Variants in SLCO1B3 observed in about 807,000 individuals in gnomAD.
SLCO1B3 encodes the protein liver-specific organic anion transporter 2.
A neutral mutation model predicts 71.8 loss-of-function variants in SLCO1B3; 72 were observed. The ratio of observed to expected loss-of-function variants is 1.00; its 90% CI spans 0.83 to 1.22. The LOEUF is 1.22. Among genes scored for constraint, SLCO1B3 ranks in the 50% most tolerant of loss-of-function variants. The probability of loss-of-function intolerance (pLI) is 0.00; values close to 1 mark genes in which losing one functional copy is unlikely to be tolerated. For synonymous variants in SLCO1B3, 298 were observed against 278.4 expected, an observed-to-expected ratio of 1.07 and a Z score of -0.70; for missense variants, 911 against 819.7, an observed-to-expected ratio of 1.11 and a Z score of -1.36.
At chr12:20,849,877 T>C (rs1864990224) in intron 3 of SLCO1B3, among the ~76,000 whole-genome samples, 1 of 151,886 alleles carries the variant, frequency 6.6e-6, no homozygotes, top group South Asian at 2.1e-4. Flanking sequence ...AATCACACAC[T>C]GTAAACTATA....
In SLCO1B3 at chr12:20,883,503, A is replaced by G. The variant is rs1349659255; in HGVS notation, c.1583A>G (p.Asn528Ser). The change falls in exon 13 of 16, where the codon AAT (asparagine) becomes AGT (serine). Residue 528 changes from asparagine (N) to serine (S), a missense_variant. By Grantham distance (46) the Asn-to-Ser change is conservative. Coordinates refer to ENST00000381545, the MANE Select transcript of SLCO1B3 (RefSeq NM_019844.4). ...SAHLGECPRD[N>S]TCTRKFFIYV... ...CACTTGGGTGAATGCCCAAGAGATAATACTTGTACAAGGAAATTTTTCATC... is the reference window on the plus strand; with the variant it reads ...CACTTGGGTGAATGCCCAAGAGATAGTACTTGTACAAGGAAATTTTTCATC... 3 of 1,604,912 alleles carry G rather than the reference A, an allele frequency of 1.9e-6. No individual in the cohort carries two copies. The African/African-American group carries it at 4.0e-5, about 22-fold the overall frequency.
In SLCO1B3 at chr12:20,832,856, A is replaced by G. The variant is rs1280881880; in HGVS notation, c.84+17034A>G. Reference sequence around the variant, plus strand: ...CTTTAACCAGCTTGATTTTCATAGTATTTATCACCAGCTGACACTAAGACC... The same window carrying G: ...CTTTAACCAGCTTGATTTTCATAGTGTTTATCACCAGCTGACACTAAGACC... On this transcript the variant is annotated intron_variant, in intron 3 of 15. Coordinates refer to ENST00000381545, the MANE Select transcript of SLCO1B3 (RefSeq NM_019844.4). Among the ~76,000 whole-genome samples, 5 of 152,296 alleles carry G rather than the reference A, an allele frequency of 3.3e-5. No individual in the cohort carries two copies. In the East Asian group the frequency reaches 7.7e-4, roughly 23 times the overall value.
intron 8 of SLCO1B3, among the ~76,000 whole-genome samples, chr12:20,874,750 A>G (rs920749310): frequency 2.8e-4 from 42 of 152,190 alleles, no homozygotes; most frequent in African/African-American, 9.7e-4. Flanking sequence ...TTGCAAATGC[A>G]GGTTCCTGGG....
At chr12:20,822,806 G>T (rs575206279) in intron 3 of SLCO1B3, among the ~76,000 whole-genome samples, 1 of 152,250 alleles carries the variant, frequency 6.6e-6, no homozygotes, top group African/African-American at 2.4e-5. Context: ...TTAAGGAAGG[G>T]CATCTTTTTG....
intron 8 of SLCO1B3, among the ~76,000 whole-genome samples, chr12:20,866,516 G>A (rs1865376165): frequency 6.6e-6 from 1 of 152,130 alleles, no homozygotes; most frequent in Non-Finnish European, 1.5e-5. Flanking sequence ...CAAAAGGAAA[G>A]TGAATGATTT....
intron 3 of SLCO1B3, among the ~76,000 whole-genome samples, chr12:20,848,886 C>T (rs1343973559): frequency 2.6e-5 from 4 of 152,028 alleles, no homozygotes; most frequent in African/African-American, 9.7e-5. Context: ...GGAGACTATT[C>T]TTTATGATAC....
chr12:20,852,820 A>T (rs897988150), intron 3 of SLCO1B3, among the ~76,000 whole-genome samples: 2 of 151,946 alleles, frequency 1.3e-5, no homozygotes, highest in South Asian at 2.1e-4. Flanking sequence ...TTTTTTCTAA[A>T]TTTTTTTTGG....
At chr12:20,861,267 A>C in intron 6 of SLCO1B3, 129 bp downstream of exon 6, 1 of 789,468 alleles carries the variant, frequency 1.3e-6, no homozygotes, top group Non-Finnish European at 1.9e-6. Context: ...CCTTACATAC[A>C]GACAAAATCA....
chr12:20,915,066 A>T (rs1172069437), intron 15 of SLCO1B3, among the ~76,000 whole-genome samples: 1 of 151,626 alleles, frequency 6.6e-6, no homozygotes, highest in Non-Finnish European at 1.5e-5. Flanking sequence ...TTCAATAAAA[A>T]TTTTCTGTAC....
At chr12:20,848,008 T>A (rs1299501429) in intron 3 of SLCO1B3, among the ~76,000 whole-genome samples, 1 of 152,086 alleles carries the variant, frequency 6.6e-6, no homozygotes, top group African/African-American at 2.4e-5. Flanking sequence ...GCAGCTAGAA[T>A]GGGAATCATC....
rs4149163 is a variant in SLCO1B3, at chr12:20,861,991, AG to A, written c.482-419del. 4.7e-4 allele frequency among the ~76,000 whole-genome samples: 71 copies of A among 152,284 alleles called. 1 individual carries two copies. The East Asian group carries it at 0.013, about 28-fold the overall frequency. ...AAAGAAGAGATTGTTTAACCAAATT[AG>A]GAAACTATTATTCAACACACTACTA... On this transcript the variant is annotated intron_variant, in intron 6 of 15. Coordinates refer to ENST00000381545, the MANE Select transcript of SLCO1B3 (RefSeq NM_019844.4).
chr12:20,824,344 A>G (rs1018353633), intron 3 of SLCO1B3, among the ~76,000 whole-genome samples: 1 of 152,200 alleles, frequency 6.6e-6, no homozygotes, highest in Admixed American at 6.5e-5. Context: ...TTATTAATAC[A>G]TGAGCTCTCC....
At position 20,877,726 on chromosome 12, in the gene SLCO1B3, A is replaced by C. The variant is rs749207485; in HGVS notation, c.971-46A>C. ...CTTATATTTACAAAATTCAGATATTAATATATATTTTATTATTGAAATATG... is the reference window on the plus strand; with the variant it reads ...CTTATATTTACAAAATTCAGATATTCATATATATTTTATTATTGAAATATG... On this transcript the variant is annotated intron_variant, in intron 9 of 15. Transcript: ENST00000381545. 4.9e-6 allele frequency: 4 copies of C among 816,356 alleles called. No individual in the cohort carries two copies. In the Admixed American group the frequency reaches 1.2e-4, roughly 25 times the overall value. The allele number at this position is 816,356 out of a possible 1,614,324, so 50.6% of individuals were successfully genotyped here.
At chr12:20,898,557 A>T in intron 14 of SLCO1B3, 57 bp downstream of exon 14, 1 of 769,766 alleles carries the variant, frequency 1.3e-6, no homozygotes, top group Non-Finnish European at 2.1e-6. Flanking sequence ...GTTAAATACT[A>T]AAGACTGAAT....
intron 8 of SLCO1B3, among the ~76,000 whole-genome samples, chr12:20,863,686 C>T (rs1434917913): frequency 6.6e-6 from 1 of 152,116 alleles, no homozygotes; most frequent in Non-Finnish European, 1.5e-5. Context: ...TGTACACATA[C>T]ACATTTTTAT....
chr12:20,834,434 A>G (rs1268551151), intron 3 of SLCO1B3, among the ~76,000 whole-genome samples: 2 of 146,998 alleles, frequency 1.4e-5, no homozygotes, highest in South Asian at 2.1e-4. Context: ...AACAGGTTAT[A>G]TATAATATAA....
chr12:20,816,577 C>T (rs1042114814), intron 3 of SLCO1B3, among the ~76,000 whole-genome samples: 2 of 152,012 alleles, frequency 1.3e-5, no homozygotes, highest in Admixed American at 6.6e-5. Flanking sequence ...ATATGTCCCA[C>T]TTTTTTTTAC....
At chr12:20,856,025 A>G (rs1254298738) in intron 4 of SLCO1B3, among the ~76,000 whole-genome samples, 1 of 152,178 alleles carries the variant, frequency 6.6e-6, no homozygotes, top group African/African-American at 2.4e-5. Context: ...TTATCTCTTT[A>G]TATAAATTCA....
chr12:20,884,099 T>TAG (rs1801219473), intron 13 of SLCO1B3, among the ~76,000 whole-genome samples: 1 of 152,098 alleles, frequency 6.6e-6, no homozygotes. Context: ...ATAAGAAAAA[T>TAG]ATGTGTAAAT....
Sources: gnomAD v4.1 joint callset for allele counts (sites outside exome capture counted in the v4.1 genomes callset) on GRCh38, gnomAD v4.1.1 for gene constraint, MANE v1.5 for transcripts, NCBI Gene and HGNC (gene_info 2026-07-23, HGNC 2026-07-21) for gene names.